The following GPR39 variants were observed in gnomAD, a reference collection of about 807,000 sequenced individuals.
GPR39 encodes G protein-coupled receptor 39, also known as zinc sensing receptor.
GPR39 carries 23 observed loss-of-function variants against 18.4 expected under a neutral mutation model. That is an observed-to-expected ratio of 1.25 (90% CI 0.90 to 1.77). The LOEUF (loss-of-function observed/expected upper bound fraction) is 1.77. GPR39 is among the 40% of genes most tolerant of loss of function. GPR39 has a pLI of 0.00. For synonymous variants in GPR39, 280 were observed against 257.9 expected (o/e 1.09, Z -0.82); for missense variants, 647 against 602.4 (o/e 1.07, Z -0.78).
chr2:132,461,907 C>G (rs973556433), intron 1 of GPR39, among the ~76,000 whole-genome samples: 6 of 152,278 alleles, frequency 3.9e-5, no homozygotes, highest in African/African-American at 1.4e-4. Flanking sequence ...TGAGAACCCC[C>G]CATATGTTAA....
chr2:132,597,464 G>A (rs1033914791), intron 1 of GPR39, among the ~76,000 whole-genome samples: 1 of 152,180 alleles, frequency 6.6e-6, no homozygotes, highest in Non-Finnish European at 1.5e-5. Context: ...TGAACACAGA[G>A]TAAGGAATTT....
chr2:132,493,117 C>CACATTCCATATATATACCATATATAT (rs1316063036), intron 1 of GPR39, among the ~76,000 whole-genome samples: 10 of 136,318 alleles, frequency 7.3e-5, no homozygotes, highest in Non-Finnish European at 1.1e-4. Context: ...ACCATATATA[C>CACATTCCATATATATACCATATATAT]ACATTCCATA....
chr2:132,417,351 C>T lies in GPR39; in HGVS notation c.309C>T (p.Ser103=), dbSNP rs187773897. ...SIIWNPLTTS[S]YTLSCKLHTF... ...TCTGGAATCCCCTGACCACGTCCAG[C>T]TACACCCTGTCCTGCAAGCTGCACA... Residue 103 remains serine (S), a synonymous_variant, in exon 1 of 2, where the codon AGC becomes AGT. Coordinates refer to ENST00000329321, the MANE Select transcript of GPR39 (RefSeq NM_001508.3). 158 of 1,614,198 alleles carry T rather than the reference C, an allele frequency of 9.8e-5. No homozygotes were observed. The Admixed American group carries it at 2.5e-3, about 26-fold the overall frequency.
At chr2:132,467,758 T>C (rs536756793) in intron 1 of GPR39, among the ~76,000 whole-genome samples, 9 of 152,260 alleles carry the variant, frequency 5.9e-5, no homozygotes, top group East Asian at 5.8e-4. Flanking sequence ...GCAGGGAACA[T>C]AGTGGCCCAG....
intron 1 of GPR39, among the ~76,000 whole-genome samples, chr2:132,498,324 A>T (rs1681687401): frequency 6.6e-6 from 1 of 152,200 alleles, no homozygotes; most frequent in Non-Finnish European, 1.5e-5. Flanking sequence ...ATGAGTGAGA[A>T]CATATGATGT....
In GPR39 at chr2:132,529,698, T is replaced by C. The variant is rs113373759; in HGVS notation, c.856+111800T>C. 4.6e-5 allele frequency among the ~76,000 whole-genome samples: 7 copies of C among 152,318 alleles called. 1 individual carries two copies. The highest frequency in any genetic ancestry group is 1.7e-4 in the African/African-American group (7 of 41,586). ...GGCAGCAGCATTTGCGGTTCACCAA[T>C]ATCGGCTGTTCTGCAGCCACCGCTG... On this transcript the variant is annotated intron_variant, in intron 1 of 1. Transcript: ENST00000329321.
At chr2:132,446,404 CA>C (rs1482060078) in intron 1 of GPR39, among the ~76,000 whole-genome samples, 6 of 152,180 alleles carry the variant, frequency 3.9e-5, no homozygotes, top group Non-Finnish European at 5.9e-5. Context: ...AGTCTTAAAA[CA>C]GTGTTAGGGC....
At chr2:132,460,585 C>T (rs977965658) in intron 1 of GPR39, among the ~76,000 whole-genome samples, 4 of 152,056 alleles carry the variant, frequency 2.6e-5, no homozygotes, top group African/African-American at 9.7e-5. Context: ...CAGTAGGAGA[C>T]TCAGTGGAAC....
In GPR39 at chr2:132,417,477, T is replaced by C. The variant is rs554439487; in HGVS notation, c.435T>C (p.Ala145=). ...IAICHPFRYK[A]VSGPCQVKLL... Reference sequence around the variant, plus strand: ...TCTGTCACCCCTTCAGGTACAAGGCTGTGTCGGGACCTTGCCAGGTGAAGC... The same window carrying C: ...TCTGTCACCCCTTCAGGTACAAGGCCGTGTCGGGACCTTGCCAGGTGAAGC... The change falls in exon 1 of 2, where the codon GCT becomes GCC. Residue 145 remains alanine, a synonymous_variant. Transcript: ENST00000329321. 1.9e-6 allele frequency: 3 copies of C among 1,614,194 alleles called. No individual in the cohort carries two copies. In the South Asian group the frequency reaches 3.3e-5, roughly 18 times the overall value.
intron 1 of GPR39, among the ~76,000 whole-genome samples, chr2:132,505,390 A>G (rs190128960): frequency 5.9e-5 from 9 of 152,340 alleles, no homozygotes; most frequent in Admixed American, 3.3e-4. Context: ...TATCACTTCT[A>G]TGTATTGCAA....
intron 1 of GPR39, among the ~76,000 whole-genome samples, chr2:132,541,877 A>G (rs1679867353): frequency 6.6e-6 from 1 of 152,126 alleles, no homozygotes; most frequent in African/African-American, 2.4e-5. Flanking sequence ...ACAGAAATTT[A>G]TTTCTCACAG....
At chr2:132,533,824 C>A (rs942825868) in intron 1 of GPR39, among the ~76,000 whole-genome samples, 1 of 152,128 alleles carries the variant, frequency 6.6e-6, no homozygotes, top group Non-Finnish European at 1.5e-5. Flanking sequence ...TTCCTTACAC[C>A]TTATACAAAA....
chr2:132,612,417 G>T (rs1452775584), intron 1 of GPR39, among the ~76,000 whole-genome samples: 4 of 151,992 alleles, frequency 2.6e-5, no homozygotes, highest in African/African-American at 9.7e-5. Flanking sequence ...TTCCTGCAAA[G>T]AACTCTTTGC....
chr2:132,613,338 T>G (rs908788654), intron 1 of GPR39, among the ~76,000 whole-genome samples: 1 of 152,218 alleles, frequency 6.6e-6, no homozygotes, highest in Non-Finnish European at 1.5e-5. Context: ...TTGGGCATGA[T>G]TTTTTATGTG....
chr2:132,473,637 T>C (rs1209878487), intron 1 of GPR39, among the ~76,000 whole-genome samples: 1 of 152,228 alleles, frequency 6.6e-6, no homozygotes, highest in Non-Finnish European at 1.5e-5. Context: ...GGAAGTATGT[T>C]ATTTTATCTA....
intron 1 of GPR39, among the ~76,000 whole-genome samples, chr2:132,584,302 G>T (rs963563233): frequency 1.3e-5 from 2 of 152,144 alleles, no homozygotes; most frequent in Admixed American, 6.5e-5. Flanking sequence ...TCCCCGAAAG[G>T]CCTGCGTGTT....
intron 1 of GPR39, among the ~76,000 whole-genome samples, chr2:132,454,187 G>A (rs1397782302): frequency 6.6e-6 from 1 of 152,088 alleles, no homozygotes; most frequent in African/African-American, 2.4e-5. Flanking sequence ...TCCTTGAAGA[G>A]GTCCTTCACA....
intron 1 of GPR39, among the ~76,000 whole-genome samples, chr2:132,553,698 C>G (rs563742044): frequency 1.3e-5 from 2 of 152,132 alleles, no homozygotes; most frequent in African/African-American, 4.8e-5. Context: ...TGGGGTAGGC[C>G]CAGTATGAGG....
At chr2:132,450,841 G>C (rs1380037259) in intron 1 of GPR39, among the ~76,000 whole-genome samples, 1 of 152,194 alleles carries the variant, frequency 6.6e-6, no homozygotes, top group East Asian at 1.9e-4. Context: ...CAGACAGCAG[G>C]GTTTTGTTTT....
Sources: gnomAD v4.1 joint callset for allele counts (sites outside exome capture counted in the v4.1 genomes callset) on GRCh38, gnomAD v4.1.1 for gene constraint, MANE v1.5 for transcripts, NCBI Gene and HGNC (gene_info 2026-07-23, HGNC 2026-07-21) for gene names.